The following ANO2 variants were observed in gnomAD, a reference collection of about 807,000 sequenced individuals.
ANO2 encodes anoctamin-2.
In ANO2, 101 loss-of-function variants were observed where a neutral mutation model predicts 124.2. The ratio of observed to expected loss-of-function variants is 0.81; its 90% confidence interval spans 0.69 to 0.96. The LOEUF is 0.96. Among genes scored for constraint, ANO2 ranks in the 40% least tolerant of loss-of-function variants. The pLI, the probability that ANO2 is intolerant of heterozygous loss-of-function variation, is 0.00. For missense variants in ANO2, 1,293 were observed against 1,274.5 expected (o/e 1.01, Z -0.22); for synonymous variants, 486 against 482.5 (o/e 1.01, Z -0.09).
intron 14 of ANO2, among the ~76,000 whole-genome samples, chr12:5,661,498 C>T (rs748517249): frequency 3.9e-5 from 6 of 152,114 alleles, no homozygotes; most frequent in African/African-American, 7.2e-5. Context: ...GTGCCTATAG[C>T]TTACTGTGCT....
At chr12:5,729,656 C>T (rs573701566) in intron 14 of ANO2, among the ~76,000 whole-genome samples, 147 of 150,534 alleles carry the variant, frequency 9.8e-4, no homozygotes, top group African/African-American at 3.3e-3. Flanking sequence ...TCTACTCCTA[C>T]GTATATACCC....
At chr12:5,673,089 T>C (rs571590223) in intron 14 of ANO2, among the ~76,000 whole-genome samples, 20 of 152,362 alleles carry the variant, frequency 1.3e-4, no homozygotes, top group Admixed American at 3.9e-4. Context: ...AATAAGCTTA[T>C]GGATGTCATT....
chr12:5,747,640 C>G (rs1252354206), intron 11 of ANO2, among the ~76,000 whole-genome samples: 1 of 152,204 alleles, frequency 6.6e-6, no homozygotes, highest in Non-Finnish European at 1.5e-5. Flanking sequence ...TCTGTTACAT[C>G]AGATTTCAGT....
At chr12:5,920,488 C>T (rs1218882318) in intron 3 of ANO2, among the ~76,000 whole-genome samples, 4 of 152,134 alleles carry the variant, frequency 2.6e-5, no homozygotes, top group African/African-American at 7.2e-5. Flanking sequence ...TGGCACACCA[C>T]CACCCCACCA....
At chr12:5,566,071 G>A (rs1014475572) in intron 23 of ANO2, among the ~76,000 whole-genome samples, 21 of 136,264 alleles carry the variant, frequency 1.5e-4, no homozygotes, top group Non-Finnish European at 2.1e-4. Flanking sequence ...CTCTGCAGCC[G>A]GGGGGGTTGG....
intron 10 of ANO2, among the ~76,000 whole-genome samples, chr12:5,796,128 C>T (rs1281186827): frequency 1.3e-5 from 2 of 151,870 alleles, no homozygotes; most frequent in Non-Finnish European, 2.9e-5. Flanking sequence ...AGAGCTCTCA[C>T]ACACACACTC....
intron 16 of ANO2, among the ~76,000 whole-genome samples, chr12:5,616,509 G>A (rs768596001): frequency 6.6e-6 from 1 of 152,048 alleles, no homozygotes; most frequent in Non-Finnish European, 1.5e-5. Flanking sequence ...TATAGCACAG[G>A]GCCACAGTCT....
intron 14 of ANO2, among the ~76,000 whole-genome samples, chr12:5,681,636 G>T (rs1270042552): frequency 1.3e-5 from 2 of 152,156 alleles, no homozygotes; most frequent in African/African-American, 4.8e-5. Flanking sequence ...TGTTCTCTGG[G>T]TCACTTCCAC....
chr12:5,589,496 A>G (rs1943288726), intron 20 of ANO2, among the ~76,000 whole-genome samples: 1 of 152,210 alleles, frequency 6.6e-6, no homozygotes, highest in Admixed American at 6.5e-5. Flanking sequence ...CCTAGGTAAG[A>G]GAAAGCCGAA....
chr12:5,606,866 CCTA>C (rs1565466404), intron 19 of ANO2, among the ~76,000 whole-genome samples: 1 of 151,890 alleles, frequency 6.6e-6, no homozygotes, highest in Non-Finnish European at 1.5e-5. Flanking sequence ...GACTACCTGG[CCTA>C]CTAATAAGGG....
intron 14 of ANO2, among the ~76,000 whole-genome samples, chr12:5,654,133 T>C (rs778478578): frequency 3.3e-5 from 5 of 152,176 alleles, no homozygotes; most frequent in Non-Finnish European, 5.9e-5. Flanking sequence ...AGTCATCTGA[T>C]AGTAGGCTGG....
At chr12:5,663,188 A>C (rs765728204) in intron 14 of ANO2, among the ~76,000 whole-genome samples, 14 of 152,164 alleles carry the variant, frequency 9.2e-5, no homozygotes, top group African/African-American at 1.9e-4. Context: ...TGCTAGGCTG[A>C]AGGCATCCTG....
chr12:5,770,611 C>G (rs1318219415), intron 10 of ANO2, among the ~76,000 whole-genome samples: 1 of 152,138 alleles, frequency 6.6e-6, no homozygotes, highest in Admixed American at 6.5e-5. Context: ...CCATCTCCAC[C>G]ACCAATACCC....
intron 3 of ANO2, among the ~76,000 whole-genome samples, chr12:5,896,579 G>C (rs1939807264): frequency 6.6e-6 from 1 of 152,110 alleles, no homozygotes; most frequent in African/African-American, 2.4e-5. Context: ...AAGATAATGG[G>C]TGCTTCATAG....
rs778014953 is a variant in ANO2 at position 5,635,392 on chromosome 12, C to T, written c.1621-45G>A. 1.8e-5 allele frequency: 25 copies of T among 1,421,902 alleles called. No individual in the cohort carries two copies. The highest frequency in any genetic ancestry group is 2.1e-5 in the Non-Finnish European group (23 of 1,075,972). The allele number at this position is 1,421,902 out of a possible 1,614,324, so 88.1% of individuals were successfully genotyped here. On this transcript the variant is annotated intron_variant, in intron 15 of 24. Coordinates refer to ENST00000682330, the MANE Select transcript of ANO2 (RefSeq NM_001364791.2). The surrounding 1 kb of genome is among the most constrained non-coding windows in gnomAD (Gnocchi z 5.2). The stretch of plus-strand genomic sequence containing the variant: ...GAAGTACACATCAGCCGGCAATTAC[C>T]GAGCACCTACTATTTGCTCTGCCAA...
At chr12:5,930,887 A>T (rs1247872653) in intron 1 of ANO2, among the ~76,000 whole-genome samples, 1 of 152,096 alleles carries the variant, frequency 6.6e-6, no homozygotes, top group African/African-American at 2.4e-5. Context: ...CCATTTGCAT[A>T]TCCGCCTCCT....
At chr12:5,573,812 G>A (rs1001960732) in intron 23 of ANO2, among the ~76,000 whole-genome samples, 6 of 152,146 alleles carry the variant, frequency 3.9e-5, no homozygotes, top group South Asian at 2.1e-4. Context: ...CTTGGTTGAC[G>A]ACAGTGGAAC....
At chr12:5,659,392 G>A (rs1253860807) in intron 14 of ANO2, among the ~76,000 whole-genome samples, 1 of 152,134 alleles carries the variant, frequency 6.6e-6, no homozygotes, top group African/African-American at 2.4e-5. Flanking sequence ...AGCACACCCA[G>A]CCTCTCTGGA....
intron 1 of ANO2, among the ~76,000 whole-genome samples, chr12:5,923,148 ACATACACACACG>A (rs1941850767): frequency 8.6e-6 from 1 of 116,498 alleles, no homozygotes; most frequent in Non-Finnish European, 1.8e-5. Flanking sequence ...ACACATGCAC[ACATACACACACG>A]CATACACACA....
Sources: allele counts gnomAD v4.1 joint callset (sites outside exome capture counted in the v4.1 genomes callset), GRCh38; gene constraint gnomAD v4.1.1; non-coding constraint Gnocchi (gnomAD v3.1); transcripts MANE v1.5; gene names NCBI Gene and HGNC (gene_info 2026-07-23, HGNC 2026-07-21).